SLC13A3: variants seen among roughly 807,000 people sequenced by gnomAD.
The protein encoded by SLC13A3 is Na(+)/dicarboxylate cotransporter 3.
SLC13A3 carries 40 observed loss-of-function variants against 59.0 expected under a neutral mutation model. The ratio of observed to expected loss-of-function variants is 0.68; its 90% CI spans 0.53 to 0.88. The LOEUF is 0.88. SLC13A3 is among the 40% of genes least tolerant of loss of function. The pLI, the probability that SLC13A3 is intolerant of heterozygous loss-of-function variation, is 0.00. For missense variants in SLC13A3, 699 were observed against 783.2 expected (o/e 0.89, Z 1.28); for synonymous variants, 317 against 330.3 (o/e 0.96, Z 0.44).
At chr20:46,561,702 A>G (rs1202877473) in intron 12 of SLC13A3, among the ~76,000 whole-genome samples, 3 of 151,708 alleles carry the variant, frequency 2.0e-5, no homozygotes, top group African/African-American at 7.3e-5. Flanking sequence ...AAAGGTGTTA[A>G]ATAAATATTA....
intron 8 of SLC13A3, 63 bp from the exon 9 acceptor site, chr20:46,583,732 A>G (rs932915135): frequency 1.3e-6 from 2 of 1,598,948 alleles, no homozygotes; most frequent in Admixed American, 3.5e-5. Flanking sequence ...GGTTTGGCAG[A>G]ATTGTAAAGG....
chr20:46,605,664 G>A (rs2062431082), intron 3 of SLC13A3, among the ~76,000 whole-genome samples: 2 of 152,134 alleles, frequency 1.3e-5, no homozygotes, highest in South Asian at 4.1e-4. Context: ...TGGGTCAGTG[G>A]CAGAGTCAGG....
intron 3 of SLC13A3, among the ~76,000 whole-genome samples, chr20:46,600,976 T>C (rs759200453): frequency 2.6e-5 from 4 of 151,940 alleles, no homozygotes; most frequent in Non-Finnish European, 5.9e-5. Flanking sequence ...ATGGAATCCA[T>C]CCTATGAAGA....
intron 9 of SLC13A3, 171 bp downstream of exon 9, chr20:46,583,401 A>T (rs776760656): frequency 4.7e-5 from 67 of 1,412,142 alleles, no homozygotes; most frequent in Non-Finnish European, 6.1e-5. Flanking sequence ...GTCCTGGACT[A>T]CCACCTGGGG....
intron 1 of SLC13A3, among the ~76,000 whole-genome samples, chr20:46,631,125 T>A (rs1393390868): frequency 6.6e-6 from 1 of 152,188 alleles, no homozygotes; most frequent in Non-Finnish European, 1.5e-5. Flanking sequence ...TTTAATCCAG[T>A]GGTTCTCGAC....
chr20:46,636,146 T>C (rs2062793286), intron 1 of SLC13A3, among the ~76,000 whole-genome samples: 1 of 152,210 alleles, frequency 6.6e-6, no homozygotes, highest in African/African-American at 2.4e-5. Flanking sequence ...TTTTGTTTTT[T>C]CACTTCTCTC....
Position 46,600,054 on chromosome 20 carries a change from T to A in SLC13A3, c.542-17A>T, listed in dbSNP as rs372860900. The A allele has an allele frequency of 7.1e-6, 11 of 1,552,402 alleles. No homozygotes were observed. The highest frequency in any genetic ancestry group is 9.7e-6 in the Non-Finnish European group (11 of 1,138,030). On this transcript the variant is annotated splice_polypyrimidine_tract_variant and intron_variant, in intron 3 of 12. Coordinates refer to ENST00000279027, the MANE Select transcript of SLC13A3 (RefSeq NM_022829.6). The stretch of plus-strand genomic sequence containing the variant: ...GCACAGCAGCTAGGAGGAAAGAGCA[T>A]GATGTCTTTAATGTAATGTAGCGAA...
chr20:46,600,313 G>GAGGGAA (rs1568929914), intron 3 of SLC13A3, among the ~76,000 whole-genome samples: 6 of 123,806 alleles, frequency 4.8e-5, no homozygotes, highest in African/African-American at 1.9e-4. Context: ...GAAAGAAAGA[G>GAGGGAA]GGAAGGAAGG....
upstream of SLC13A3, among the ~76,000 whole-genome samples, chr20:46,655,743 CTATA>C (rs951013669): frequency 4.2e-5 from 6 of 143,664 alleles, no homozygotes; most frequent in Non-Finnish European, 7.5e-5. Context: ...TATATATATA[CTATA>C]TATATATTTT....
chr20:46,585,010 G>C (rs1251059260), intron 8 of SLC13A3: 1 of 418,744 alleles, frequency 2.4e-6, no homozygotes, highest in East Asian at 1.6e-4. Flanking sequence ...ATTTTATTTT[G>C]AAAGTTTTGA....
rs2062520240 is a variant in SLC13A3, at chr20:46,613,339, A to ATAAATAAT, written c.377+120_377+121insATTATTTA. On this transcript the variant is annotated intron_variant, in intron 2 of 12. Coordinates refer to ENST00000279027, the MANE Select transcript of SLC13A3 (RefSeq NM_022829.6). ...AATAAATAAATAAATAAATAAATAAATGGTGGGAACCGATGAGTTTCTTGG... is the reference window on the plus strand; with the variant it reads ...AATAAATAAATAAATAAATAAATAAATAAATAATTGGTGGGAACCGATGAGTTTCTTGG... 5.4e-6 allele frequency: 4 copies of ATAAATAAT among 736,378 alleles called. No homozygotes were observed. The Admixed American group carries it at 1.4e-4, about 26-fold the overall frequency. The allele number at this position is 736,378 out of a possible 1,614,324, so 45.6% of individuals were successfully genotyped here. A position where few individuals can be genotyped will look rare whatever the true frequency, so the allele number is the denominator to read the frequency against.
At chr20:46,619,278 G>T (rs2062591430) in intron 1 of SLC13A3, among the ~76,000 whole-genome samples, 1 of 152,174 alleles carries the variant, frequency 6.6e-6, no homozygotes, top group African/African-American at 2.4e-5. Context: ...CCTCCAGCTG[G>T]ATTTGGGGTT....
At chr20:46,590,716 G>C (rs1055897365) in intron 6 of SLC13A3, among the ~76,000 whole-genome samples, 2 of 152,058 alleles carry the variant, frequency 1.3e-5, no homozygotes, top group African/African-American at 2.4e-5. Flanking sequence ...AAACATGTAC[G>C]ATTTTTATGA....
In SLC13A3 at chr20:46,559,953, G is replaced by T; in HGVS notation, c.*69C>A. 6.9e-7 allele frequency: 1 copy of T among 1,451,642 alleles called. No homozygotes were observed. Among genetic ancestry groups the T allele is most frequent in the Non-Finnish European group, 9.6e-7 (1 of 1,042,078 alleles). 89.9% of individuals were successfully genotyped at this position (1,451,642 alleles called of 1,614,324 possible). A position where few individuals can be genotyped will look rare whatever the true frequency, so the allele number is the denominator to read the frequency against. On this transcript the variant is annotated 3_prime_UTR_variant, in exon 13 of 13. Transcript: ENST00000279027. ...AAGAATTATTTGATTGTTTTGTAGTGTCCTAGCAGCAGGTGATGGTGACAG... is the reference window on the plus strand; with the variant it reads ...AAGAATTATTTGATTGTTTTGTAGTTTCCTAGCAGCAGGTGATGGTGACAG...
intron 1 of SLC13A3, among the ~76,000 whole-genome samples, chr20:46,660,268 G>A (rs2122910337): frequency 6.6e-6 from 1 of 152,156 alleles, no homozygotes; most frequent in African/African-American, 2.4e-5. Flanking sequence ...TTATAGTGCT[G>A]GCTTGTTGAA....
chr20:46,580,204 C>T (rs1831602642), intron 9 of SLC13A3, among the ~76,000 whole-genome samples: 1 of 152,182 alleles, frequency 6.6e-6, no homozygotes, highest in South Asian at 2.1e-4. Flanking sequence ...GATCCACCCA[C>T]CTAAGCCTCC....
chr20:46,583,750 G>A, intron 8 of SLC13A3, 81 bp from the exon 9 acceptor site: 1 of 1,572,692 alleles, frequency 6.4e-7, no homozygotes, highest in Non-Finnish European at 8.6e-7. Context: ...AGGAGGATTT[G>A]TGGAAGGGAA....
At chr20:46,609,318 C>T (rs760685358) in intron 3 of SLC13A3, among the ~76,000 whole-genome samples, 88 of 152,212 alleles carry the variant, frequency 5.8e-4, no homozygotes, top group Non-Finnish European at 9.4e-4. Context: ...AAATCATTTC[C>T]CTCTTGGAGA....
At chr20:46,591,406 C>A (rs2062255564) in intron 6 of SLC13A3, among the ~76,000 whole-genome samples, 1 of 152,072 alleles carries the variant, frequency 6.6e-6, no homozygotes, top group African/African-American at 2.4e-5. Flanking sequence ...TTTTGAGAAG[C>A]ATATGTATGT....
Sources: gnomAD v4.1 joint callset for allele counts (sites outside exome capture counted in the v4.1 genomes callset) on GRCh38, gnomAD v4.1.1 for gene constraint, MANE v1.5 for transcripts, NCBI Gene and HGNC (gene_info 2026-07-23, HGNC 2026-07-21) for gene names.